Variants in SHB observed in about 807,000 individuals in gnomAD.
The protein encoded by SHB is SH2 domain containing adaptor protein B, also known as SH2 domain-containing adapter protein B.
A neutral mutation model predicts 52.3 loss-of-function variants in SHB; 20 were observed. The ratio of observed to expected loss-of-function variants is 0.38; its 90% confidence interval spans 0.27 to 0.56. The LOEUF is 0.56. SHB is among the 20% of genes least tolerant of loss of function. The pLI is 0.71. For synonymous variants in SHB, 397 were observed against 316.5 expected, an observed-to-expected ratio of 1.25 and a Z score of -2.70; for missense variants, 825 against 723.3, an observed-to-expected ratio of 1.14 and a Z score of -1.61.
At chr9:38,032,891 C>T (rs553446534) in intron 1 of SHB, among the ~76,000 whole-genome samples, 2 of 152,360 alleles carry the variant, frequency 1.3e-5, no homozygotes, top group African/African-American at 4.8e-5. Context: ...GAGGGAATGA[C>T]AGCCAGAAGG....
At chr9:38,067,384 G>C (rs1821983450) in intron 1 of SHB, among the ~76,000 whole-genome samples, 1 of 152,194 alleles carries the variant, frequency 6.6e-6, no homozygotes, top group South Asian at 2.1e-4. Context: ...GCCCGGATTT[G>C]GAAACCTAGA....
At chr9:37,939,370 G>C (rs1009919939) in intron 5 of SHB, among the ~76,000 whole-genome samples, 1 of 152,228 alleles carries the variant, frequency 6.6e-6, no homozygotes, top group African/African-American at 2.4e-5. Context: ...CTTAAGACAG[G>C]TTAAGCCCCT....
intron 2 of SHB, among the ~76,000 whole-genome samples, chr9:37,980,067 G>A (rs1309676444): frequency 6.6e-6 from 1 of 152,216 alleles, no homozygotes; most frequent in African/African-American, 2.4e-5. Flanking sequence ...AGTTCCTGAA[G>A]GCTGAGGTGG....
chr9:37,919,059 C>CCTTG lies in SHB; in HGVS notation c.*758_*761dup, dbSNP rs1231671537. On this transcript the variant is annotated 3_prime_UTR_variant, in exon 6 of 6. Coordinates refer to ENST00000377707, the MANE Select transcript of SHB (RefSeq NM_003028.3). ...CAGCAGCAAGCCCAGAGGAGACACG[C>CCTTG]CTTGCTCTGGGAGTGAAACCAGAAC... 1 of 152,638 alleles carries CCTTG rather than the reference C, an allele frequency of 6.6e-6. No homozygotes were observed. 9.5% of individuals were successfully genotyped at this position (152,638 alleles called of 1,614,324 possible). A position where few individuals can be genotyped will look rare whatever the true frequency, so the allele number is the denominator to read the frequency against.
rs530040529 is a variant in SHB at position 37,948,211 on chromosome 9, CTGGCCCAGCCACT to C, written c.1346+411_1346+423del. Among the ~76,000 whole-genome samples the C allele has an allele frequency of 3.7e-3, 568 of 152,342 alleles. 8 individuals carry two copies. Among genetic ancestry groups the C allele is most frequent in the Non-Finnish European group, 4.7e-3 (323 of 68,042 alleles). On this transcript the variant is annotated intron_variant, in intron 5 of 5. Coordinates refer to ENST00000377707, the MANE Select transcript of SHB (RefSeq NM_003028.3). Reference sequence around the variant, plus strand: ...GAGAGTCATGGGCTGGTCACAAGTCCTGGCCCAGCCACTTGGGCCAGCCACACCCACCTCCGTG... The same window carrying C: ...GAGAGTCATGGGCTGGTCACAAGTCCTGGGCCAGCCACACCCACCTCCGTG...
At chr9:38,056,363 GCT>G (rs2118178521) in intron 1 of SHB, among the ~76,000 whole-genome samples, 2 of 152,170 alleles carry the variant, frequency 1.3e-5, no homozygotes, top group Non-Finnish European at 2.9e-5. Flanking sequence ...ACAGAGTCTT[GCT>G]CTGTCTTCCA....
At position 37,916,173 on chromosome 9, in the gene SHB, G is replaced by A. The variant is rs1410859879; in HGVS notation, c.*3648C>T. Among the ~76,000 whole-genome samples the A allele has an allele frequency of 3.3e-5, 5 of 152,246 alleles. No homozygotes were observed. The East Asian group carries it at 9.6e-4, about 29-fold the overall frequency. The stretch of plus-strand genomic sequence containing the variant: ...GCCCACATCTAAGACTGTGCGCCCT[G>A]CACTCCCTCTGGATGGCTTGCCGAA... On this transcript the variant is annotated 3_prime_UTR_variant, in exon 6 of 6. Coordinates refer to ENST00000377707, the MANE Select transcript of SHB (RefSeq NM_003028.3).
chr9:38,068,239 G>A lies in SHB; in HGVS notation c.407C>T (p.Ala136Val), dbSNP rs761084402. The change falls in exon 1 of 6, where the codon GCC (alanine) becomes GTC (valine). Residue 136 changes from alanine (A) to valine (V), a missense_variant. Ala to Val is a moderately conservative substitution (Grantham distance 64, BLOSUM62 0). Transcript: ENST00000377707. The stretch of plus-strand genomic sequence containing the variant: ...CGAGGAGGCGCAGCAACAGCCCGCG[G>A]CGCCCGACGCGGACGAGGCCGAGAA... The part of the protein sequence containing the change: ...RAFSASSASG[A>V]AGCCCASSGA... The A allele has an allele frequency of 1.4e-6, 2 of 1,399,110 alleles. No individual in the cohort carries two copies. The highest frequency in any genetic ancestry group is 1.8e-6 in the Non-Finnish European group (2 of 1,088,932). The allele number at this position is 1,399,110 out of a possible 1,614,324, so 86.7% of individuals were successfully genotyped here.
chr9:37,926,254 C>G (rs1044688577), intron 5 of SHB, among the ~76,000 whole-genome samples: 1 of 151,036 alleles, frequency 6.6e-6, no homozygotes, highest in Non-Finnish European at 1.5e-5. Flanking sequence ...TTATGACTCA[C>G]AACTTCTGCT....
At chr9:38,046,445 T>C (rs1255481411) in intron 1 of SHB, among the ~76,000 whole-genome samples, 1 of 152,210 alleles carries the variant, frequency 6.6e-6, no homozygotes, top group African/African-American at 2.4e-5. Flanking sequence ...GCAGTTGCCC[T>C]GAGGGCAATA....
chr9:38,039,485 C>T (rs1821541887), intron 1 of SHB, among the ~76,000 whole-genome samples: 1 of 152,252 alleles, frequency 6.6e-6, no homozygotes, highest in Admixed American at 6.5e-5. Flanking sequence ...ACACCCATCC[C>T]ACTTTGTGGC....
rs559684824 is a variant in SHB at position 37,917,544 on chromosome 9, C to G, written c.*2277G>C. Among the ~76,000 whole-genome samples, 1 of 152,228 alleles carries G rather than the reference C, an allele frequency of 6.6e-6. No homozygotes were observed. Among genetic ancestry groups the G allele is most frequent in the Non-Finnish European group, 1.5e-5 (1 of 68,040 alleles). On this transcript the variant is annotated 3_prime_UTR_variant, in exon 6 of 6. Transcript: ENST00000377707. ...GAACTTGCCAGTGTGAGGTCTCACC[C>G]TCCTCCCCCGCCGGAGGGTTGTTCC...
rs117900889 is a variant in SHB at position 37,932,879 on chromosome 9, C to T, written c.1347-12875G>A. Among the ~76,000 whole-genome samples the T allele has an allele frequency of 1.1e-3, 175 of 152,290 alleles. 2 individuals carry two copies. In the East Asian group the frequency reaches 0.029, roughly 25 times the overall value. ...ATTCTCCTGCCTTGGCCTCCCAAAG[C>T]GCTGGGATTATAGGCATGAGGTACT... On this transcript the variant is annotated intron_variant, in intron 5 of 5. Transcript: ENST00000377707.
intron 5 of SHB, among the ~76,000 whole-genome samples, chr9:37,925,441 G>C (rs1227818860): frequency 1.3e-5 from 2 of 152,192 alleles, no homozygotes; most frequent in Admixed American, 6.5e-5. Context: ...AAATCAGAAA[G>C]TCTCCCCCAG....
intron 1 of SHB, among the ~76,000 whole-genome samples, chr9:38,021,654 C>T (rs1034166441): frequency 2.6e-4 from 39 of 151,186 alleles, no homozygotes; most frequent in African/African-American, 9.0e-4. Flanking sequence ...GGTGACACAG[C>T]GAGACTCTGT....
intron 2 of SHB, among the ~76,000 whole-genome samples, chr9:37,978,258 C>T (rs1820677643): frequency 6.6e-6 from 1 of 152,242 alleles, no homozygotes; most frequent in Non-Finnish European, 1.5e-5. Context: ...GCATACACCT[C>T]TCATGCAGGA....
intron 2 of SHB, among the ~76,000 whole-genome samples, chr9:37,982,213 C>T (rs1436858047): frequency 6.6e-6 from 1 of 152,120 alleles, no homozygotes; most frequent in African/African-American, 2.4e-5. Flanking sequence ...AGAAGATGGG[C>T]CAGATGTGGT....
intron 2 of SHB, among the ~76,000 whole-genome samples, chr9:37,992,856 C>T (rs892192144): frequency 4.8e-5 from 7 of 146,160 alleles, no homozygotes; most frequent in South Asian, 2.3e-4. Context: ...GCACCATATA[C>T]GTATATGCAT....
chr9:38,042,638 C>T (rs995493130), intron 1 of SHB, among the ~76,000 whole-genome samples: 3 of 152,206 alleles, frequency 2.0e-5, no homozygotes, highest in African/African-American at 7.2e-5. Flanking sequence ...CACCATGCTC[C>T]TCTGTTGGCT....
Sources: allele counts gnomAD v4.1 joint callset (sites outside exome capture counted in the v4.1 genomes callset), GRCh38; gene constraint gnomAD v4.1.1; transcripts MANE v1.5; gene names NCBI Gene and HGNC (gene_info 2026-07-23, HGNC 2026-07-21).